Variants in ACOT7 observed in about 807,000 individuals in gnomAD.
ACOT7 encodes cytosolic acyl coenzyme A thioester hydrolase.
A neutral mutation model predicts 40.2 loss-of-function variants in ACOT7; 12 were observed. That is an observed-to-expected ratio of 0.30 (90% CI 0.19 to 0.48). The LOEUF (loss-of-function observed/expected upper bound fraction) is 0.48. Among genes scored for constraint, ACOT7 ranks in the 20% least tolerant of loss-of-function variants. ACOT7 has a pLI of 0.99. For synonymous variants in ACOT7, 228 were observed against 219.5 expected (o/e 1.04, Z -0.34); for missense variants, 395 against 530.8 (o/e 0.74, Z 2.51).
Position 6,289,379 on chromosome 1 carries a change from A to C in ACOT7, c.829+5485T>G. Among the ~76,000 whole-genome samples the C allele has an allele frequency of 6.6e-6, 1 of 150,582 alleles. No homozygotes were observed. Among genetic ancestry groups the C allele is most frequent in the Non-Finnish European group, 1.5e-5 (1 of 67,598 alleles). On this transcript the variant is annotated intron_variant, in intron 7 of 8. Transcript: ENST00000361521. The surrounding 1 kb of genome is among the most constrained non-coding windows in gnomAD (Gnocchi z 4.6). ...CCTCCCAAAGTGCTGGGATTACAGGAGTGAGCCACCACGCCCAGCCTGTTT... is the reference window on the plus strand; with the variant it reads ...CCTCCCAAAGTGCTGGGATTACAGGCGTGAGCCACCACGCCCAGCCTGTTT...
chr1:6,365,377 AT>A (rs1182997200), intron 1 of ACOT7, among the ~76,000 whole-genome samples: 1 of 152,122 alleles, frequency 6.6e-6, no homozygotes, highest in Non-Finnish European at 1.5e-5. Flanking sequence ...AAGTCACATG[AT>A]TTTTTTGGTT....
chr1:6,294,964 G>A lies in ACOT7; in HGVS notation c.729C>T (p.Leu243=). 2 of 1,613,754 alleles carry A rather than the reference G, an allele frequency of 1.2e-6. No individual in the cohort carries two copies. Among genetic ancestry groups the A allele is most frequent in the Non-Finnish European group, 1.7e-6 (2 of 1,179,758 alleles). ...GFVHGGVTMK[L]MDEVAGIVAA... ...CCACGATCCCGGCGACCTCATCCAT[G>A]AGCTTCATGGTCACACCTGCGGAGA... Residue 243 remains leucine (L), a synonymous_variant, in exon 7 of 9, where the codon CTC becomes CTT. Coordinates refer to ENST00000361521, the MANE Select transcript of ACOT7 (RefSeq NM_007274.4). The surrounding 1 kb of genome is among the most constrained non-coding windows in gnomAD (Gnocchi z 4.6).
At position 6,352,758 on chromosome 1, in the gene ACOT7, A is replaced by G. The variant is rs540636417; in HGVS notation, c.144-2892T>C. Among the ~76,000 whole-genome samples the G allele has an allele frequency of 2.7e-5, 4 of 150,894 alleles. No homozygotes were observed. In the South Asian group the frequency reaches 6.3e-4, roughly 24 times the overall value. On this transcript the variant is annotated intron_variant, in intron 1 of 8. Coordinates refer to ENST00000361521, the MANE Select transcript of ACOT7 (RefSeq NM_007274.4). This position sits in a 1 kb window ranked among gnomAD's most constrained non-coding sequence, Gnocchi z 4.5. Reference sequence around the variant, plus strand: ...CCACCACGCCCGGCTAATTTTTTGCATTTTTTAGTAGAGAAGGGGTTTCAC... The same window carrying G: ...CCACCACGCCCGGCTAATTTTTTGCGTTTTTTAGTAGAGAAGGGGTTTCAC...
intron 4 of ACOT7, among the ~76,000 whole-genome samples, chr1:6,333,064 G>T (rs914124179): frequency 6.6e-6 from 1 of 152,192 alleles, no homozygotes; most frequent in African/African-American, 2.4e-5. Context: ...CAGCCTGGTG[G>T]TCCTGGCTCC....
At chr1:6,317,574 G>A (rs950990739) in intron 6 of ACOT7, among the ~76,000 whole-genome samples, 1 of 152,138 alleles carries the variant, frequency 6.6e-6, no homozygotes, top group Non-Finnish European at 1.5e-5. Context: ...AGTCTTTGGG[G>A]CCATCGGTGC....
At chr1:6,344,763 CAAAAAAAAAAAAAA>C (rs58594477) in intron 2 of ACOT7, among the ~76,000 whole-genome samples, 1,551 of 56,070 alleles carry the variant, frequency 0.028, 15 homozygotes, top group Middle Eastern at 0.096. Context: ...GACTCTGTCT[CAAAAAAAAAAAAAA>C]AAAAAAAAAA....
chr1:6,295,097 C>T, intron 6 of ACOT7, 117 bp from the exon 7 acceptor site: 2 of 735,290 alleles, frequency 2.7e-6, no homozygotes, highest in South Asian at 3.4e-5. Flanking sequence ...GCAAGGGCCG[C>T]AGCCAGCAGG....
Position 6,359,164 on chromosome 1 carries a change from A to C in ACOT7, c.144-9298T>G. The C allele has an allele frequency of 3.7e-6, 1 of 268,096 alleles. No individual in the cohort carries two copies. The highest frequency in any genetic ancestry group is 7.2e-6 in the Non-Finnish European group (1 of 138,528). 16.6% of individuals were successfully genotyped at this position (268,096 alleles called of 1,614,324 possible). ...AGAGGGGCCGCTGCTGAGCGGCCTC[A>C]GGGAAGCGGCTATGAGGCTCTGCCT... On this transcript the variant is annotated intron_variant, in intron 1 of 8. Coordinates refer to ENST00000361521, the MANE Select transcript of ACOT7 (RefSeq NM_007274.4). The surrounding 1 kb of genome is among the most constrained non-coding windows in gnomAD (Gnocchi z 4.1).
At position 6,274,827 on chromosome 1, in the gene ACOT7, C is replaced by T. The variant is rs1049805334; in HGVS notation, c.1014+6275G>A. 3.9e-5 allele frequency among the ~76,000 whole-genome samples: 6 copies of T among 152,102 alleles called. No individual in the cohort carries two copies. Among genetic ancestry groups the T allele is most frequent in the South Asian group, 2.1e-4 (1 of 4,832 alleles). On this transcript the variant is annotated intron_variant, in intron 8 of 8. Coordinates refer to ENST00000361521, the MANE Select transcript of ACOT7 (RefSeq NM_007274.4). This position sits in a 1 kb window ranked among gnomAD's most constrained non-coding sequence, Gnocchi z 5.9. ...GGCTGAGCGCGGTGTGGGTGGGCGG[C>T]GCAGTGCAGGTGGGCAGCGCGTTGG...
At chr1:6,284,366 C>T (rs1347798397) in intron 7 of ACOT7, among the ~76,000 whole-genome samples, 1 of 152,058 alleles carries the variant, frequency 6.6e-6, no homozygotes, top group African/African-American at 2.4e-5. Flanking sequence ...CACTTGAGGT[C>T]AGGAATTTGA....
rs1352634420 is a variant in ACOT7, at chr1:6,306,719, T to C, written c.713-11739A>G. On this transcript the variant is annotated intron_variant, in intron 6 of 8. Transcript: ENST00000361521. The surrounding 1 kb of genome is among the most constrained non-coding windows in gnomAD (Gnocchi z 4.3). ...CCCTAGACCAGAAGTTCCTCAAGAG[T>C]AGGGAACAGCTCTTCGTCCACCTTT... 10 of 1,222,560 alleles carry C rather than the reference T, an allele frequency of 8.2e-6. No individual in the cohort carries two copies. The highest frequency in any genetic ancestry group is 1.6e-5 in the African/African-American group (1 of 63,784). 75.7% of individuals were successfully genotyped at this position (1,222,560 alleles called of 1,614,324 possible).
intron 8 of ACOT7, among the ~76,000 whole-genome samples, chr1:6,269,316 G>C (rs1280525256): frequency 6.6e-6 from 1 of 152,224 alleles, no homozygotes; most frequent in African/African-American, 2.4e-5. Flanking sequence ...CGATGAACCA[G>C]GGTCAGGGGC....
At chr1:6,322,570 C>G (rs947954038) in intron 5 of ACOT7, among the ~76,000 whole-genome samples, 1 of 152,246 alleles carries the variant, frequency 6.6e-6, no homozygotes, top group Non-Finnish European at 1.5e-5. Context: ...GCAGCTGGCT[C>G]TTCCTGAGGC....
At chr1:6,321,602 C>T (rs1180998455) in intron 5 of ACOT7, among the ~76,000 whole-genome samples, 5 of 152,190 alleles carry the variant, frequency 3.3e-5, no homozygotes, top group Non-Finnish European at 4.4e-5. Flanking sequence ...GCAAGCTCTG[C>T]GTCCCGGGTT....
At chr1:6,342,231 G>A (rs1050431114) in intron 2 of ACOT7, among the ~76,000 whole-genome samples, 9 of 152,114 alleles carry the variant, frequency 5.9e-5, no homozygotes, top group Admixed American at 1.3e-4. Flanking sequence ...CGTGGTGGCC[G>A]GGGCAAATGA....
chr1:6,276,927 C>T (rs906744925), intron 8 of ACOT7, among the ~76,000 whole-genome samples: 31 of 152,146 alleles, frequency 2.0e-4, no homozygotes, highest in African/African-American at 4.3e-4. Context: ...TTCAAGCTGG[C>T]GCCCTTCCCT....
intron 1 of ACOT7, among the ~76,000 whole-genome samples, chr1:6,392,877 G>C (rs1288146145): frequency 6.6e-6 from 1 of 152,206 alleles, no homozygotes; most frequent in African/African-American, 2.4e-5. Flanking sequence ...ACGGGGCTGA[G>C]GCTCCGGGAT....
At chr1:6,349,910 C>G in intron 1 of ACOT7, 44 bp from the exon 2 acceptor site, 1 of 1,583,832 alleles carries the variant, frequency 6.3e-7, no homozygotes, top group African/African-American at 1.3e-5. Flanking sequence ...GAGAGGATGC[C>G]ATTTGTGCAA....
intron 7 of ACOT7, among the ~76,000 whole-genome samples, chr1:6,287,711 G>A (rs1639544269): frequency 6.6e-6 from 1 of 152,160 alleles, no homozygotes; most frequent in Non-Finnish European, 1.5e-5. Flanking sequence ...TCAGCAGTAT[G>A]CCAGGGATTT....
Sources: allele counts gnomAD v4.1 joint callset (sites outside exome capture counted in the v4.1 genomes callset), GRCh38; gene constraint gnomAD v4.1.1; non-coding constraint Gnocchi (gnomAD v3.1); transcripts MANE v1.5; gene names NCBI Gene and HGNC (gene_info 2026-07-23, HGNC 2026-07-21).